Variants in FAM13A observed in about 807,000 individuals in gnomAD.
FAM13A encodes the protein protein FAM13A.
FAM13A carries 76 observed loss-of-function variants against 129.6 expected under a neutral mutation model. That is an observed-to-expected ratio of 0.59 (90% confidence interval 0.49 to 0.71). The LOEUF (loss-of-function observed/expected upper bound fraction) is 0.71. FAM13A is among the 30% of genes least tolerant of loss of function. The pLI, the probability that FAM13A is intolerant of heterozygous loss-of-function variation, is 0.00. For synonymous variants in FAM13A, 443 were observed against 449.9 expected, an observed-to-expected ratio of 0.98 and a Z score of 0.20; for missense variants, 1,108 against 1,249.3, an observed-to-expected ratio of 0.89 and a Z score of 1.70.
chr4:88,854,809 A>T (rs762706610), intron 6 of FAM13A, among the ~76,000 whole-genome samples: 2 of 152,222 alleles, frequency 1.3e-5, no homozygotes, highest in Non-Finnish European at 2.9e-5. Context: ...TTAGTATTTA[A>T]CATGCCATGG....
intron 6 of FAM13A, among the ~76,000 whole-genome samples, chr4:88,884,144 C>T (rs1426976928): frequency 6.6e-6 from 1 of 152,088 alleles, no homozygotes; most frequent in East Asian, 1.9e-4. Context: ...AAGGAATCCT[C>T]CCAATATCAT....
At chr4:88,750,703 C>A (rs1742399318) in intron 14 of FAM13A, 66 bp from the exon 15 acceptor site, 2 of 1,239,942 alleles carry the variant, frequency 1.6e-6, no homozygotes, top group African/African-American at 1.5e-5. Context: ...CTTTAAAACA[C>A]AAGTGTTTCC....
intron 5 of FAM13A, among the ~76,000 whole-genome samples, chr4:88,909,775 G>A (rs1057144876): frequency 4.6e-5 from 7 of 152,230 alleles, no homozygotes; most frequent in Admixed American, 6.5e-5. Flanking sequence ...GTGAGCCACC[G>A]TACCCAGCTG....
chr4:89,013,267 AATATAT>A (rs537847037), intron 3 of FAM13A, among the ~76,000 whole-genome samples: 9 of 130,034 alleles, frequency 6.9e-5, no homozygotes. Flanking sequence ...GAGACAATAA[AATATAT>A]ATATATATAA....
At chr4:89,023,898 T>C (rs1767609275) in intron 2 of FAM13A, among the ~76,000 whole-genome samples, 1 of 152,182 alleles carries the variant, frequency 6.6e-6, no homozygotes, top group Non-Finnish European at 1.5e-5. Flanking sequence ...ACTCTAAAAT[T>C]GTAGAAAGTT....
At chr4:88,856,940 TA>T (rs1379885011) in intron 6 of FAM13A, among the ~76,000 whole-genome samples, 8 of 152,190 alleles carry the variant, frequency 5.3e-5, no homozygotes, top group East Asian at 1.9e-4. Context: ...CTCCAAATCA[TA>T]AAAAAGCCTT....
chr4:88,923,274 C>T (rs1029780052), intron 5 of FAM13A, among the ~76,000 whole-genome samples: 1 of 152,218 alleles, frequency 6.6e-6, no homozygotes, highest in African/African-American at 2.4e-5. Context: ...GACCAATATC[C>T]TTGATGAACA....
chr4:88,945,128 A>C (rs557275275), intron 4 of FAM13A, among the ~76,000 whole-genome samples: 2 of 152,218 alleles, frequency 1.3e-5, no homozygotes, highest in Non-Finnish European at 2.9e-5. Flanking sequence ...AGAAAACTAC[A>C]TTATACCTGT....
At chr4:88,816,583 G>A (rs963928040) in intron 7 of FAM13A, among the ~76,000 whole-genome samples, 1 of 152,122 alleles carries the variant, frequency 6.6e-6, no homozygotes, top group Non-Finnish European at 1.5e-5. Flanking sequence ...ATGCTAATGG[G>A]AGGAAGGTCA....
intron 14 of FAM13A, among the ~76,000 whole-genome samples, chr4:88,756,952 A>G (rs1014306836): frequency 1.3e-5 from 2 of 152,196 alleles, no homozygotes; most frequent in African/African-American, 4.8e-5. Context: ...TGGCAAAACA[A>G]AAACAAAAAG....
chr4:88,983,512 A>G (rs1427623872), intron 4 of FAM13A, among the ~76,000 whole-genome samples: 2 of 152,198 alleles, frequency 1.3e-5, no homozygotes, highest in African/African-American at 4.8e-5. Flanking sequence ...GCAATGAGCA[A>G]TCTGAAAATA....
At chr4:88,864,801 A>G (rs558690966) in intron 6 of FAM13A, among the ~76,000 whole-genome samples, 1 of 152,354 alleles carries the variant, frequency 6.6e-6, no homozygotes, top group African/African-American at 2.4e-5. Context: ...AAAACAAACA[A>G]ACAAAATGTC....
intron 6 of FAM13A, among the ~76,000 whole-genome samples, chr4:88,861,022 G>A (rs1739399971): frequency 6.6e-6 from 1 of 152,048 alleles, no homozygotes; most frequent in South Asian, 2.1e-4. Context: ...CTTTTTCTCT[G>A]TTGCCAGCTG....
chr4:88,861,819 C>A (rs760988481), intron 6 of FAM13A, among the ~76,000 whole-genome samples: 1 of 152,148 alleles, frequency 6.6e-6, no homozygotes, highest in Non-Finnish European at 1.5e-5. Flanking sequence ...TATCTATTCT[C>A]ATTTTCAATT....
intron 4 of FAM13A, among the ~76,000 whole-genome samples, chr4:88,951,883 T>C (rs143406504): frequency 3.3e-4 from 50 of 152,352 alleles, no homozygotes; most frequent in African/African-American, 1.2e-3. Flanking sequence ...CCAACTCATC[T>C]TATATTTCCA....
chr4:88,749,724 T>C (rs769162613), intron 16 of FAM13A, 47 bp downstream of exon 16: 1 of 1,599,276 alleles, frequency 6.3e-7, no homozygotes, highest in East Asian at 2.2e-5. Flanking sequence ...TGCTGCCATG[T>C]CCAGGGAGAG....
intron 11 of FAM13A, among the ~76,000 whole-genome samples, chr4:88,778,124 C>G (rs1246043893): frequency 6.6e-6 from 1 of 152,182 alleles, no homozygotes; most frequent in Non-Finnish European, 1.5e-5. Flanking sequence ...ATTTACAATG[C>G]TCATGACTCT....
chr4:89,008,993 C>T (rs953506055), intron 3 of FAM13A: 19 of 151,990 alleles, frequency 1.3e-4, no homozygotes, highest in African/African-American at 4.4e-4. Flanking sequence ...CTCGTCACGG[C>T]CCCCAAATAA....
chr4:88,965,718 C>G (rs569250170), intron 4 of FAM13A, among the ~76,000 whole-genome samples: 4 of 152,248 alleles, frequency 2.6e-5, no homozygotes, highest in African/African-American at 9.6e-5. Context: ...AAACATATCT[C>G]CTTTTTCCAC....
Sources: gnomAD v4.1 joint callset for allele counts (sites outside exome capture counted in the v4.1 genomes callset) on GRCh38, gnomAD v4.1.1 for gene constraint, MANE v1.5 for transcripts, NCBI Gene and HGNC (gene_info 2026-07-23, HGNC 2026-07-21) for gene names.